Variants in KCNC1 observed in about 807,000 individuals in gnomAD.
KCNC1 encodes potassium voltage-gated channel subfamily C member 1.
A neutral mutation model predicts 43.4 loss-of-function variants in KCNC1; 8 were observed. The ratio of observed to expected loss-of-function variants is 0.18; its 90% CI spans 0.11 to 0.33. The LOEUF (loss-of-function observed/expected upper bound fraction) is 0.33. Among genes scored for constraint, KCNC1 ranks in the 10% least tolerant of loss-of-function variants. KCNC1 has a pLI of 1.00. For synonymous variants in KCNC1, 361 were observed against 360.5 expected, an observed-to-expected ratio of 1.00 and a Z score of -0.01; for missense variants, 420 against 836.0, an observed-to-expected ratio of 0.50 and a Z score of 6.14.
chr11:17,768,883 C>A (rs917609175), intron 1 of KCNC1, among the ~76,000 whole-genome samples: 11 of 152,244 alleles, frequency 7.2e-5, no homozygotes, highest in Admixed American at 4.6e-4. Context: ...GGATCTGAAG[C>A]CAGATACCCA....
At chr11:17,761,965 G>T (rs751767157) in intron 1 of KCNC1, among the ~76,000 whole-genome samples, 1 of 152,168 alleles carries the variant, frequency 6.6e-6, no homozygotes, top group East Asian at 1.9e-4. Context: ...TCCAGGGAAA[G>T]GTTCTTACTC....
At position 17,779,488 on chromosome 11, in the gene KCNC1, G is replaced by A. The variant is rs769979889; in HGVS notation, c.1537G>A (p.Ala513Thr). The change falls in exon 3 of 4, where the codon GCG becomes ACG. Residue 513 changes from alanine to threonine, a missense_variant. Around this residue, in one of 5 missense-constraint regions of KCNC1, gnomAD observed 147 missense variants for 176.1 expected, o/e 0.83. Coordinates refer to ENST00000265969, the MANE Select transcript of KCNC1 (RefSeq NM_001112741.2). The surrounding 1 kb of genome is among the most constrained non-coding windows in gnomAD (Gnocchi z 7.2). The stretch of plus-strand genomic sequence containing the variant: ...ACTGAATGGGGAGGTGGCGAAGGCC[G>A]CGCTGGCGAACGAAGACTGCCCCCA... The part of the protein sequence containing the change: ...SKLNGEVAKA[A>T]LANEDCPHID... The A allele has an allele frequency of 7.1e-6, 11 of 1,550,132 alleles. No homozygotes were observed. The highest frequency in any genetic ancestry group is 4.0e-5 in the Admixed American group (2 of 50,580).
At chr11:17,775,163 T>G in intron 2 of KCNC1, 1 of 985,462 alleles carries the variant, frequency 1.0e-6, no homozygotes, top group Non-Finnish European at 1.2e-6. Flanking sequence ...CCAAGGCCTT[T>G]CCAGTCTCAC....
intron 1 of KCNC1, among the ~76,000 whole-genome samples, chr11:17,765,448 T>A (rs1226329994): frequency 6.6e-6 from 1 of 152,206 alleles, no homozygotes; most frequent in South Asian, 2.1e-4. Flanking sequence ...TAAAAATAAC[T>A]TGGTGATTTA....
Position 17,779,644 on chromosome 11 carries a change from G to T in KCNC1, c.1693G>T (p.Asp565Tyr). The change falls in exon 3 of 4, where the codon GAT becomes TAT. Residue 565 changes from aspartate (D) to tyrosine (Y), a missense_variant and splice_region_variant. Physicochemically the swap from Asp to Tyr is radical, Grantham distance 160. Around this residue, in one of 5 missense-constraint regions of KCNC1, gnomAD observed 147 missense variants for 176.1 expected, o/e 0.83. Coordinates refer to ENST00000265969, the MANE Select transcript of KCNC1 (RefSeq NM_001112741.2). The surrounding 1 kb of genome is among the most constrained non-coding windows in gnomAD (Gnocchi z 7.2). ...CCCACCTGGTGGAGGAATGAGAAAG[G>T]GTATGTAGAGGAAGCTGGAGCACCG... Reference protein sequence around the residue: ...ACPPGGGMRKDLCKESPVIAK... With the variant: ...ACPPGGGMRKYLCKESPVIAK... The T allele has an allele frequency of 6.5e-7, 1 of 1,532,756 alleles. No individual in the cohort carries two copies. The allele number at this position is 1,532,756 out of a possible 1,614,324, so 94.9% of individuals were successfully genotyped here.
intron 1 of KCNC1, among the ~76,000 whole-genome samples, chr11:17,748,614 AAAAG>A (rs1848929164): frequency 6.6e-6 from 1 of 151,604 alleles, no homozygotes; most frequent in South Asian, 2.1e-4. Flanking sequence ...AATAATTTTT[AAAAG>A]AAAGAAAAAT....
chr11:17,778,845 G>T (rs1337503959), intron 2 of KCNC1, among the ~76,000 whole-genome samples: 2 of 141,116 alleles, frequency 1.4e-5, no homozygotes, highest in African/African-American at 2.6e-5. Flanking sequence ...GGTCGGGGGG[G>T]TACGGGCGCA....
At chr11:17,757,174 T>C (rs1849032164) in intron 1 of KCNC1, among the ~76,000 whole-genome samples, 1 of 151,704 alleles carries the variant, frequency 6.6e-6, no homozygotes, top group African/African-American at 2.4e-5. Flanking sequence ...GCCAAGGTGG[T>C]TATGAGGATT....
chr11:17,775,396 G>T, intron 2 of KCNC1: 1 of 985,560 alleles, frequency 1.0e-6, no homozygotes, highest in Non-Finnish European at 1.2e-6. Context: ...GGACAATCTG[G>T]TCTCCTCCTG....
Position 17,772,141 on chromosome 11 carries a change from C to G in KCNC1, c.1047C>G (p.Ile349Met). The G allele has an allele frequency of 1.2e-6, 2 of 1,614,126 alleles. No homozygotes were observed. The highest frequency in any genetic ancestry group is 4.5e-5 in the East Asian group (2 of 44,880). Residue 349 changes from isoleucine (I) to methionine (M), a missense_variant, in exon 2 of 4, where the codon ATC becomes ATG. Physicochemically the swap from Ile to Met is conservative, Grantham distance 10. Coordinates refer to ENST00000265969, the MANE Select transcript of KCNC1 (RefSeq NM_001112741.2). ...GCACCAACGAGTTCCTGCTGCTCATCATCTTCCTGGCCTTGGGCGTGCTGA... is the reference window on the plus strand; with the variant it reads ...GCACCAACGAGTTCCTGCTGCTCATGATCTTCCTGGCCTTGGGCGTGCTGA... Reference protein sequence around the residue: ...RASTNEFLLLIIFLALGVLIF... With the variant: ...RASTNEFLLLMIFLALGVLIF...
In KCNC1 at chr11:17,736,997, T is replaced by G. The variant is rs1590089396; in HGVS notation, c.570+425T>G. 1.3e-5 allele frequency among the ~76,000 whole-genome samples: 2 copies of G among 152,170 alleles called. No homozygotes were observed. The highest frequency in any genetic ancestry group is 1.5e-5 in the Non-Finnish European group (1 of 68,038). On this transcript the variant is annotated intron_variant, in intron 1 of 3. Transcript: ENST00000265969. The surrounding 1 kb of genome is among the most constrained non-coding windows in gnomAD (Gnocchi z 9.3). The stretch of plus-strand genomic sequence containing the variant: ...CAAAGTATGGACTGCTCTCGAGATT[T>G]CAGTGTGGGGAGGGAAGCTGGGAGC...
rs1209266443 is a variant in KCNC1 at position 17,739,456 on chromosome 11, TGA to T, written c.570+2890_570+2891del. 6.6e-6 allele frequency among the ~76,000 whole-genome samples: 1 copy of T among 151,054 alleles called. No homozygotes were observed. The highest frequency in any genetic ancestry group is 1.5e-5 in the Non-Finnish European group (1 of 67,914). On this transcript the variant is annotated intron_variant, in intron 1 of 3. Transcript: ENST00000265969. The surrounding 1 kb of genome is among the most constrained non-coding windows in gnomAD (Gnocchi z 4.2). ...GTCCTTGTGTCAGGGGTTGTGTGTG[TGA>T]GAGAGGCGGATTCTGTGTTTTGGAT...
intron 2 of KCNC1, chr11:17,772,931 C>T (rs1004055076): frequency 2.1e-5 from 25 of 1,188,362 alleles, no homozygotes; most frequent in Admixed American, 4.2e-5. Context: ...GGCAGGAGTC[C>T]GGTGTGAGTC....
chr11:17,754,675 T>C (rs1590098544), intron 1 of KCNC1, among the ~76,000 whole-genome samples: 2 of 120,388 alleles, frequency 1.7e-5, no homozygotes, highest in African/African-American at 2.6e-5. Flanking sequence ...CTAGTTGGAG[T>C]GTTTGGCTGG....
intron 1 of KCNC1, among the ~76,000 whole-genome samples, chr11:17,741,545 C>A (rs996939909): frequency 2.6e-5 from 4 of 152,194 alleles, no homozygotes; most frequent in Admixed American, 6.5e-5. Context: ...GGCAGCCCCC[C>A]AGCTGCTCTC....
intron 1 of KCNC1, among the ~76,000 whole-genome samples, chr11:17,741,774 C>T (rs775839565): frequency 2.0e-5 from 3 of 152,250 alleles, no homozygotes; most frequent in Non-Finnish European, 2.9e-5. Flanking sequence ...CACCCAGCCT[C>T]GTTTCAGCTT....
chr11:17,750,849 C>T (rs1457407419), intron 1 of KCNC1, among the ~76,000 whole-genome samples: 1 of 152,208 alleles, frequency 6.6e-6, no homozygotes, highest in East Asian at 1.9e-4. Context: ...GAAGAGCCTG[C>T]TCTGCCCTTC....
chr11:17,777,275 C>A lies in KCNC1; in HGVS notation c.1505-2181C>A, dbSNP rs1234945706. ...CACCCCCCTCTGACCCACCCCTCCC[C>A]AGGCAAGAACTGCAGGCTGTGGACA... On this transcript the variant is annotated intron_variant, in intron 2 of 3. Transcript: ENST00000265969. This position sits in a 1 kb window ranked among gnomAD's most constrained non-coding sequence, Gnocchi z 4.3. The A allele has an allele frequency of 1.2e-5, 12 of 985,780 alleles. No homozygotes were observed. The highest frequency in any genetic ancestry group is 1.3e-5 in the Non-Finnish European group (11 of 830,006). The allele number at this position is 985,780 out of a possible 1,614,324, so 61.1% of individuals were successfully genotyped here.
At chr11:17,737,337 TC>T (rs1848779587) in intron 1 of KCNC1, among the ~76,000 whole-genome samples, 1 of 151,832 alleles carries the variant, frequency 6.6e-6, no homozygotes, top group African/African-American at 2.4e-5. Flanking sequence ...CTCTGGGACA[TC>T]CCGTGGTGGG....
Sources: gnomAD v4.1 joint callset for allele counts (sites outside exome capture counted in the v4.1 genomes callset) on GRCh38, gnomAD v4.1.1 for gene constraint, gnomAD v4.1.1 regional missense constraint, Gnocchi (gnomAD v3.1) non-coding constraint, MANE v1.5 for transcripts, NCBI Gene and HGNC (gene_info 2026-07-23, HGNC 2026-07-21) for gene names.